TBC1D32: variants seen among roughly 807,000 people sequenced by gnomAD.
TBC1D32 encodes protein broad-minded.
A neutral mutation model predicts 170.3 loss-of-function variants in TBC1D32; 151 were observed. The ratio of observed to expected loss-of-function variants is 0.89; its 90% CI spans 0.78 to 1.01. The LOEUF is 1.01. Ranked by LOEUF, TBC1D32 falls within the 50% of genes least tolerant of loss-of-function variation. The probability of loss-of-function intolerance (pLI) is 0.00; values close to 1 mark genes in which losing one functional copy is unlikely to be tolerated. For synonymous variants in TBC1D32, 498 were observed against 488.0 expected, an observed-to-expected ratio of 1.02 and a Z score of -0.27; for missense variants, 1,464 against 1,457.1, an observed-to-expected ratio of 1.00 and a Z score of -0.08.
chr6:121,253,171 T>A (rs78130242), intron 17 of TBC1D32, among the ~76,000 whole-genome samples: 4,997 of 152,136 alleles, frequency 0.033, 192 homozygotes, highest in East Asian at 0.12. Context: ...CACAACCCAA[T>A]GTGGGAGAAA....
chr6:121,205,616 T>G (rs1174047398), intron 21 of TBC1D32, among the ~76,000 whole-genome samples: 1 of 152,218 alleles, frequency 6.6e-6, no homozygotes, highest in Admixed American at 6.5e-5. Context: ...ATTTTCTCAA[T>G]AGAGACTATC....
chr6:121,170,447 T>G, intron 22 of TBC1D32: 1 of 1,607,776 alleles, frequency 6.2e-7, no homozygotes, highest in South Asian at 1.1e-5. Flanking sequence ...TTCTTGAGCA[T>G]TTAGTAACAT....
At chr6:121,253,855 T>C (rs1798618776) in intron 17 of TBC1D32, among the ~76,000 whole-genome samples, 1 of 152,148 alleles carries the variant, frequency 6.6e-6, no homozygotes, top group African/African-American at 2.4e-5. Flanking sequence ...AAAGTAGAAC[T>C]ACAATTTGAT....
chr6:121,170,276 T>G (rs1786782759), intron 22 of TBC1D32: 2 of 963,244 alleles, frequency 2.1e-6, no homozygotes, highest in Non-Finnish European at 2.9e-6. Context: ...CTGCTTTGTA[T>G]TCTGTTATTT....
chr6:121,108,921 T>C (rs1048784020), intron 29 of TBC1D32, among the ~76,000 whole-genome samples: 1 of 152,172 alleles, frequency 6.6e-6, no homozygotes, highest in Non-Finnish European at 1.5e-5. Context: ...TTGTGCATCA[T>C]GCATAGAGGT....
intron 16 of TBC1D32, 117 bp from the exon 17 acceptor site, chr6:121,255,527 T>TATATTTATAATTATATTTTATAATTATA (rs1583421602): frequency 8.1e-6 from 2 of 246,742 alleles, no homozygotes; most frequent in East Asian, 1.2e-4. Flanking sequence ...TATTTTATAT[T>TATATTTATAATTATATTTTATAATTATA]TCTTACTGAT....
intron 5 of TBC1D32, among the ~76,000 whole-genome samples, chr6:121,307,291 A>G (rs1337357817): frequency 1.3e-5 from 2 of 152,034 alleles, no homozygotes; most frequent in Admixed American, 6.6e-5. Flanking sequence ...TGGGAAGGTC[A>G]CTTGAGTTTG....
chr6:121,159,894 G>T, intron 24 of TBC1D32, 116 bp downstream of exon 24: 1 of 633,588 alleles, frequency 1.6e-6, no homozygotes, highest in Non-Finnish European at 2.7e-6. Context: ...AGGCATAAAT[G>T]CACACATGTA....
chr6:121,098,598 C>T (rs1207738826), intron 30 of TBC1D32, among the ~76,000 whole-genome samples: 2 of 152,032 alleles, frequency 1.3e-5, no homozygotes, highest in Non-Finnish European at 2.9e-5. Flanking sequence ...AGGCAAAACA[C>T]TGTGTCAGAA....
intron 14 of TBC1D32, among the ~76,000 whole-genome samples, chr6:121,279,684 T>G (rs1161186540): frequency 6.6e-6 from 1 of 152,022 alleles, no homozygotes; most frequent in Admixed American, 6.6e-5. Flanking sequence ...GCGTCATGAA[T>G]GTACATCCAA....
chr6:121,096,778 G>A (rs925121348), intron 30 of TBC1D32, among the ~76,000 whole-genome samples: 1 of 152,004 alleles, frequency 6.6e-6, no homozygotes, highest in Admixed American at 6.6e-5. Context: ...GAGGCATCAC[G>A]CTACCTGACT....
Position 121,255,327 on chromosome 6 carries a change from CAT to C in TBC1D32, c.2017_2018del (p.Ile673TyrfsTer6). ...GCATGACTTTCATCAATTGTACTTA[CAT>C]GTTTTGGGATTCCTGGCTTACTGAA... ...VSSVSQESQN[I>X]MAWEDNLLDD... On this transcript the variant is annotated frameshift_variant and splice_region_variant, in exon 17 of 32. Transcript: ENST00000398212. LOFTEE classifies it high-confidence loss of function. The C allele has an allele frequency of 6.5e-7, 1 of 1,546,356 alleles. No homozygotes were observed. Among genetic ancestry groups the C allele is most frequent in the Admixed American group, 1.8e-5 (1 of 54,698 alleles).
At chr6:121,239,002 G>C (rs1796641264) in intron 20 of TBC1D32, 68 bp downstream of exon 20, 1 of 815,874 alleles carries the variant, frequency 1.2e-6, no homozygotes, top group Admixed American at 1.9e-5. Context: ...TATGGATAAA[G>C]TATGAACGAA....
chr6:121,105,444 C>T (rs1434706920), intron 30 of TBC1D32, among the ~76,000 whole-genome samples: 2 of 151,700 alleles, frequency 1.3e-5, no homozygotes, highest in Admixed American at 6.6e-5. Flanking sequence ...AGGTTTAAAC[C>T]CTACAATATT....
intron 5 of TBC1D32, 124 bp from the exon 6 acceptor site, chr6:121,304,957 G>C (rs1431811544): frequency 1.5e-6 from 1 of 665,176 alleles, no homozygotes. Context: ...TCAGAAACTA[G>C]AGTCAGAATG....
At chr6:121,242,716 T>A (rs1010434756) in intron 17 of TBC1D32, among the ~76,000 whole-genome samples, 3 of 152,132 alleles carry the variant, frequency 2.0e-5, no homozygotes, top group African/African-American at 7.2e-5. Flanking sequence ...TTCTTTTCAT[T>A]ATAAAGTATC....
chr6:121,233,386 G>A (rs1333643923), intron 20 of TBC1D32, among the ~76,000 whole-genome samples: 5 of 151,994 alleles, frequency 3.3e-5, no homozygotes, highest in African/African-American at 1.2e-4. Flanking sequence ...AAATTAGGGA[G>A]CTCCAGTGCT....
chr6:121,120,551 CT>C (rs890776418), intron 26 of TBC1D32, among the ~76,000 whole-genome samples: 2 of 152,004 alleles, frequency 1.3e-5, no homozygotes, highest in Admixed American at 6.6e-5. Context: ...TACTTCCCAA[CT>C]TAACCATTAA....
At chr6:121,311,876 A>G (rs1426287787) in intron 3 of TBC1D32, among the ~76,000 whole-genome samples, 1 of 152,184 alleles carries the variant, frequency 6.6e-6, no homozygotes, top group African/African-American at 2.4e-5. Context: ...AACCAGAAAT[A>G]CCATTTGACC....
Sources: allele counts gnomAD v4.1 joint callset (sites outside exome capture counted in the v4.1 genomes callset), GRCh38; gene constraint gnomAD v4.1.1; transcripts MANE v1.5; gene names NCBI Gene and HGNC (gene_info 2026-07-23, HGNC 2026-07-21).